Variants in LIMD1 observed in about 807,000 individuals in gnomAD.
The protein encoded by LIMD1 is LIM domain containing 1, also known as LIM domain-containing protein 1.
In LIMD1, 23 loss-of-function variants were observed where a neutral mutation model predicts 58.4. The observed-to-expected ratio is 0.39, with a 90% CI of 0.28 to 0.56. The LOEUF is 0.56. Among genes scored for constraint, LIMD1 ranks in the 20% least tolerant of loss-of-function variants. LIMD1 has a pLI of 0.57. For synonymous variants in LIMD1, 334 were observed against 345.5 expected, an observed-to-expected ratio of 0.97 and a Z score of 0.37; for missense variants, 838 against 855.5, an observed-to-expected ratio of 0.98 and a Z score of 0.25.
At position 45,665,858 on chromosome 3, in the gene LIMD1, G is replaced by C; in HGVS notation, c.1578+141G>C. ...GCCTTTCCTTCTGTAGATACTTGGG[G>C]GTGGCCATGTTCCTGAGGCCAATGG... On this transcript the variant is annotated intron_variant, in intron 3 of 7. Coordinates refer to ENST00000273317, the MANE Select transcript of LIMD1 (RefSeq NM_014240.3). 5.5e-6 allele frequency: 4 copies of C among 732,406 alleles called. No individual in the cohort carries two copies. In the South Asian group the frequency reaches 6.8e-5, roughly 12 times the overall value. The allele number at this position is 732,406 out of a possible 1,614,324, so 45.4% of individuals were successfully genotyped here.
At chr3:45,607,076 G>A (rs886422239) in intron 1 of LIMD1, among the ~76,000 whole-genome samples, 2 of 152,208 alleles carry the variant, frequency 1.3e-5, no homozygotes, top group African/African-American at 4.8e-5. Context: ...TTACAGGTGT[G>A]AGCCACCATG....
At chr3:45,632,433 G>T (rs1443332460) in intron 1 of LIMD1, 3 of 723,340 alleles carry the variant, frequency 4.1e-6, no homozygotes, top group African/African-American at 3.9e-5. Flanking sequence ...CTGCTGAGGG[G>T]ATACTAAGTG....
intron 1 of LIMD1, among the ~76,000 whole-genome samples, chr3:45,622,548 CT>C (rs1207501303): frequency 6.6e-6 from 1 of 152,068 alleles, no homozygotes; most frequent in Non-Finnish European, 1.5e-5. Flanking sequence ...TGAATGTGGT[CT>C]TTCTCTTTCA....
chr3:45,671,902 C>T (rs1232549306), intron 4 of LIMD1, among the ~76,000 whole-genome samples: 2 of 152,192 alleles, frequency 1.3e-5, no homozygotes, highest in Non-Finnish European at 1.5e-5. Context: ...CAGTTACTTA[C>T]GGACCTCACC....
Position 45,679,809 on chromosome 3 carries a change from C to T in LIMD1, c.*2750C>T, listed in dbSNP as rs1559528290. 3 of 152,186 alleles carry T rather than the reference C, an allele frequency of 2.0e-5. No homozygotes were observed. The highest frequency in any genetic ancestry group is 4.8e-5 in the African/African-American group (2 of 41,436). The allele number at this position is 152,186 out of a possible 1,614,324, so 9.4% of individuals were successfully genotyped here. On this transcript the variant is annotated 3_prime_UTR_variant, in exon 8 of 8. Coordinates refer to ENST00000273317, the MANE Select transcript of LIMD1 (RefSeq NM_014240.3). Reference sequence around the variant, plus strand: ...TTGATCTGCAATACAAGGATCCATTCGTAATCTCTCTCTCACTGATGTTAT... The same window carrying T: ...TTGATCTGCAATACAAGGATCCATTTGTAATCTCTCTCTCACTGATGTTAT...
At chr3:45,641,638 A>T (rs182738276) in intron 2 of LIMD1, among the ~76,000 whole-genome samples, 2 of 152,194 alleles carry the variant, frequency 1.3e-5, no homozygotes, top group East Asian at 3.9e-4. Context: ...TGTTAAGCTC[A>T]CACACATTTA....
chr3:45,604,298 T>C (rs1229175960), intron 1 of LIMD1, among the ~76,000 whole-genome samples: 1 of 152,196 alleles, frequency 6.6e-6, no homozygotes, highest in Non-Finnish European at 1.5e-5. Context: ...CTCGGTCCTC[T>C]GTGTTCTCTG....
intron 1 of LIMD1, among the ~76,000 whole-genome samples, chr3:45,628,490 T>C (rs1239824632): frequency 2.6e-5 from 4 of 152,210 alleles, no homozygotes; most frequent in Non-Finnish European, 4.4e-5. Flanking sequence ...ATGGATAACA[T>C]TTAAAAGACT....
chr3:45,601,819 C>G (rs1000279693), intron 1 of LIMD1, among the ~76,000 whole-genome samples: 2 of 152,160 alleles, frequency 1.3e-5, no homozygotes, highest in Non-Finnish European at 2.9e-5. Context: ...TAGGTGGTCT[C>G]TCACGTCTGA....
In LIMD1 at chr3:45,677,866, G is replaced by C. The variant is rs1294494108; in HGVS notation, c.*807G>C. ...CACGTGTTTGCGCTGTTTTTCTCTG[G>C]AGTTCTCAAGAGTTGGTGACTTGGA... On this transcript the variant is annotated 3_prime_UTR_variant, in exon 8 of 8. Coordinates refer to ENST00000273317, the MANE Select transcript of LIMD1 (RefSeq NM_014240.3). 1 of 152,130 alleles carries C rather than the reference G, an allele frequency of 6.6e-6. No individual in the cohort carries two copies. Among genetic ancestry groups the C allele is most frequent in the Non-Finnish European group, 1.5e-5 (1 of 68,012 alleles). 9.4% of individuals were successfully genotyped at this position (152,130 alleles called of 1,614,324 possible).
At chr3:45,657,340 C>T (rs1048938411) in intron 2 of LIMD1, among the ~76,000 whole-genome samples, 1 of 152,020 alleles carries the variant, frequency 6.6e-6, no homozygotes. Context: ...GTAAAAGGCC[C>T]AGTACCTAGA....
Position 45,594,905 on chromosome 3 carries a change from T to C in LIMD1, c.26T>C (p.Leu9Pro). The change falls in exon 1 of 8, where the codon CTG (leucine) becomes CCG (proline). Residue 9 changes from leucine to proline, a missense_variant. This residue lies in a region of LIMD1 where 659 missense variants were observed against 639.8 expected (regional missense o/e 1.03). Coordinates refer to ENST00000273317, the MANE Select transcript of LIMD1 (RefSeq NM_014240.3). MDKYDDLG[L>P]EASKFIEDLN... ...ATGGATAAGTATGACGACCTGGGCCTGGAGGCCAGTAAATTCATCGAGGAC... is the reference window on the plus strand; with the variant it reads ...ATGGATAAGTATGACGACCTGGGCCCGGAGGCCAGTAAATTCATCGAGGAC... 1 of 1,611,068 alleles carries C rather than the reference T, an allele frequency of 6.2e-7. No homozygotes were observed. Among genetic ancestry groups the C allele is most frequent in the Non-Finnish European group, 8.5e-7 (1 of 1,179,448 alleles).
chr3:45,601,420 G>T (rs1701410109), intron 1 of LIMD1, among the ~76,000 whole-genome samples: 1 of 152,210 alleles, frequency 6.6e-6, no homozygotes, highest in Non-Finnish European at 1.5e-5. Flanking sequence ...TCTCTTCAGG[G>T]GCTGACAGGA....
chr3:45,663,761 G>T (rs1023983467), intron 2 of LIMD1, among the ~76,000 whole-genome samples: 1 of 151,584 alleles, frequency 6.6e-6, no homozygotes, highest in African/African-American at 2.4e-5. Flanking sequence ...TTGAGACAGA[G>T]TCTTGCTCTG....
chr3:45,638,032 AC>A (rs1461543041), intron 2 of LIMD1, among the ~76,000 whole-genome samples: 1 of 98 alleles, frequency 0.01, no homozygotes, highest in Non-Finnish European at 0.018. Context: ...ATGGTACAAC[AC>A]ATTCTTGTCT....
chr3:45,597,964 T>A (rs971191355), intron 1 of LIMD1, among the ~76,000 whole-genome samples: 16 of 152,292 alleles, frequency 1.1e-4, no homozygotes, highest in African/African-American at 3.6e-4. Context: ...TTTTTTTAAA[T>A]TTATTTTTAT....
rs2125672253 is a variant in LIMD1, at chr3:45,678,685, G to T, written c.*1626G>T. On this transcript the variant is annotated 3_prime_UTR_variant, in exon 8 of 8. Coordinates refer to ENST00000273317, the MANE Select transcript of LIMD1 (RefSeq NM_014240.3). The stretch of plus-strand genomic sequence containing the variant: ...CTTGCACCCAGAGCAAGAGGACTGG[G>T]TGCTGGGCTGCAGAGGCCGGTCAGT... 1 of 152,380 alleles carries T rather than the reference G, an allele frequency of 6.6e-6. No individual in the cohort carries two copies. The highest frequency in any genetic ancestry group is 1.9e-4 in the East Asian group (1 of 5,184). The allele number at this position is 152,380 out of a possible 1,614,324, so 9.4% of individuals were successfully genotyped here. A position where few individuals can be genotyped will look rare whatever the true frequency, so the allele number is the denominator to read the frequency against.
chr3:45,633,512 G>A (rs1341885507), intron 1 of LIMD1, among the ~76,000 whole-genome samples: 1 of 152,234 alleles, frequency 6.6e-6, no homozygotes, highest in Non-Finnish European at 1.5e-5. Flanking sequence ...AATGCATCAA[G>A]AATGGGATGG....
In LIMD1 at chr3:45,609,118, T is replaced by C. The variant is rs190067410; in HGVS notation, c.1408+12831T>C. 6.2e-4 allele frequency among the ~76,000 whole-genome samples: 95 copies of C among 152,336 alleles called. 2 individuals are homozygous for C. Among genetic ancestry groups the C allele is most frequent in the African/African-American group, 2.2e-3 (90 of 41,566 alleles). ...TCCATAACTTGTGCCTGGTAGTAGC[T>C]GTGCCAATTTTCACCAGACCTTGAT... On this transcript the variant is annotated intron_variant, in intron 1 of 7. Coordinates refer to ENST00000273317, the MANE Select transcript of LIMD1 (RefSeq NM_014240.3).
Sources: allele counts gnomAD v4.1 joint callset (sites outside exome capture counted in the v4.1 genomes callset), GRCh38; gene constraint gnomAD v4.1.1; regional missense constraint gnomAD v4.1.1; transcripts MANE v1.5; gene names NCBI Gene and HGNC (gene_info 2026-07-23, HGNC 2026-07-21).